The following FRMD4A variants were observed in gnomAD, a reference collection of about 807,000 sequenced individuals.
FRMD4A encodes the protein FERM domain containing 4A.
Under a neutral mutation model 129.1 loss-of-function variants are expected in FRMD4A, and 29 were observed. The ratio of observed to expected loss-of-function variants is 0.22; its 90% CI spans 0.17 to 0.31. FRMD4A has a LOEUF of 0.31. Among genes scored for constraint, FRMD4A ranks in the 10% least tolerant of loss-of-function variants. The probability of loss-of-function intolerance (pLI) is 1.00; values close to 1 mark genes in which losing one functional copy is unlikely to be tolerated. For synonymous variants in FRMD4A, 634 were observed against 571.6 expected (o/e 1.11, Z -1.56); for missense variants, 1,272 against 1,375.8 (o/e 0.92, Z 1.19).
At chr10:14,317,013 C>G (rs1200159267) in intron 2 of FRMD4A, among the ~76,000 whole-genome samples, 1 of 152,174 alleles carries the variant, frequency 6.6e-6, no homozygotes, top group Non-Finnish European at 1.5e-5. Flanking sequence ...AGTTCAAGTC[C>G]ACTTTGTCGC....
At chr10:14,157,174 C>T (rs1213304587) in intron 2 of FRMD4A, among the ~76,000 whole-genome samples, 1 of 152,182 alleles carries the variant, frequency 6.6e-6, no homozygotes, top group Non-Finnish European at 1.5e-5. Context: ...ATACATCAGA[C>T]CAATTTACTA....
At chr10:14,206,809 C>CCAAAAAAAAAAAAAAAA (rs1842794382) in intron 2 of FRMD4A, among the ~76,000 whole-genome samples, 1 of 43,066 alleles carries the variant, frequency 2.3e-5, no homozygotes, top group Non-Finnish European at 3.8e-5. Flanking sequence ...GACGCTATCT[C>CCAAAAAAAAAAAAAAAA]AAAAAAAAAA....
At chr10:13,750,089 A>AAAGAAAGAAAGAAATG (rs2091515173) in intron 8 of FRMD4A, among the ~76,000 whole-genome samples, 10 of 81,820 alleles carry the variant, frequency 1.2e-4, no homozygotes, top group East Asian at 3.4e-4. Context: ...AGAAAGAAAG[A>AAAGAAAGAAAGAAATG]AAGAAAGAAA....
intron 15 of FRMD4A, chr10:13,685,768 A>G (rs1298381568): frequency 6.3e-5 from 16 of 253,804 alleles, no homozygotes; most frequent in Non-Finnish European, 9.3e-5. Flanking sequence ...GCATTGCACC[A>G]CTGCACTCAG....
chr10:14,289,639 T>A (rs939266387), intron 2 of FRMD4A, among the ~76,000 whole-genome samples: 2 of 152,114 alleles, frequency 1.3e-5, no homozygotes, highest in Non-Finnish European at 2.9e-5. Flanking sequence ...AAAGTCCATA[T>A]ATGAAAAGCC....
rs1220691960 is a variant in FRMD4A at position 13,778,920 on chromosome 10, G to A, written c.384+4002C>T. 2.0e-5 allele frequency among the ~76,000 whole-genome samples: 3 copies of A among 152,192 alleles called. No individual in the cohort carries two copies. The East Asian group carries it at 5.8e-4, about 29-fold the overall frequency. On this transcript the variant is annotated intron_variant, in intron 6 of 24. Coordinates refer to ENST00000357447, the MANE Select transcript of FRMD4A (RefSeq NM_018027.5). ...ACATGTATACCTATGTAACAAACCTGCACATTCTGCATGTGTATCCCAGAA... is the reference window on the plus strand; with the variant it reads ...ACATGTATACCTATGTAACAAACCTACACATTCTGCATGTGTATCCCAGAA...
At chr10:13,790,322 C>T (rs1564807730) in intron 5 of FRMD4A, among the ~76,000 whole-genome samples, 1 of 152,176 alleles carries the variant, frequency 6.6e-6, no homozygotes, top group African/African-American at 2.4e-5. Flanking sequence ...TGAGGAAATG[C>T]CAGTCAGTGG....
At chr10:14,091,479 G>A (rs1175302610) in intron 2 of FRMD4A, among the ~76,000 whole-genome samples, 2 of 152,126 alleles carry the variant, frequency 1.3e-5, no homozygotes, top group Non-Finnish European at 2.9e-5. Flanking sequence ...CTGTCACCAG[G>A]CTGGACTGCA....
At chr10:14,304,157 A>T (rs1329734159) in intron 2 of FRMD4A, among the ~76,000 whole-genome samples, 1 of 152,138 alleles carries the variant, frequency 6.6e-6, no homozygotes, top group Non-Finnish European at 1.5e-5. Context: ...CCAGAAGTGG[A>T]ATTGCTGGAT....
At chr10:13,715,593 G>C (rs1325221137) in intron 12 of FRMD4A, among the ~76,000 whole-genome samples, 1 of 152,088 alleles carries the variant, frequency 6.6e-6, no homozygotes, top group African/African-American at 2.4e-5. Context: ...AATGGTGCCT[G>C]GTACATAGTG....
chr10:14,097,923 T>A (rs1398765069), intron 2 of FRMD4A, among the ~76,000 whole-genome samples: 2 of 146,308 alleles, frequency 1.4e-5, no homozygotes, highest in Non-Finnish European at 1.5e-5. Context: ...AAATTATATA[T>A]AAAAATTGTA....
At chr10:13,977,176 G>T (rs2131396276) in intron 2 of FRMD4A, among the ~76,000 whole-genome samples, 1 of 152,298 alleles carries the variant, frequency 6.6e-6, no homozygotes, top group South Asian at 2.1e-4. Flanking sequence ...CGTATTTTCT[G>T]GTTTTGTAGA....
chr10:14,072,805 A>G (rs1490122627), intron 2 of FRMD4A, among the ~76,000 whole-genome samples: 1 of 152,164 alleles, frequency 6.6e-6, no homozygotes, highest in Non-Finnish European at 1.5e-5. Context: ...AAGGAAAATG[A>G]GGTGAGATGG....
chr10:14,032,636 G>C (rs536231693), intron 2 of FRMD4A, among the ~76,000 whole-genome samples: 1 of 152,178 alleles, frequency 6.6e-6, no homozygotes, highest in Non-Finnish European at 1.5e-5. Flanking sequence ...GCCAGCAAGG[G>C]GGAGCTGCTG....
intron 2 of FRMD4A, among the ~76,000 whole-genome samples, chr10:14,301,433 G>C (rs1406954671): frequency 3.3e-5 from 5 of 152,214 alleles, no homozygotes; most frequent in African/African-American, 1.2e-4. Flanking sequence ...GGTGCTGATA[G>C]AGGAAACGTC....
chr10:14,289,655 C>T (rs7922689), intron 2 of FRMD4A, among the ~76,000 whole-genome samples: 49,460 of 151,962 alleles, frequency 0.33, 8,315 homozygotes, highest in Middle Eastern at 0.38. Context: ...AAGCCCCCAG[C>T]TAACACCATC....
At chr10:13,883,008 T>C (rs1372870953) in intron 2 of FRMD4A, among the ~76,000 whole-genome samples, 1 of 152,038 alleles carries the variant, frequency 6.6e-6, no homozygotes, top group Admixed American at 6.5e-5. Flanking sequence ...TTTGCCTTGT[T>C]GGCCAGGCTG....
At chr10:13,724,795 T>C (rs2089763169) in intron 12 of FRMD4A, among the ~76,000 whole-genome samples, 1 of 152,244 alleles carries the variant, frequency 6.6e-6, no homozygotes, top group Non-Finnish European at 1.5e-5. Context: ...CCTTTCTCAG[T>C]GCTGGTCCAC....
At chr10:13,986,607 C>A (rs555101570) in intron 2 of FRMD4A, among the ~76,000 whole-genome samples, 120 of 147,660 alleles carry the variant, frequency 8.1e-4, no homozygotes, top group African/African-American at 2.8e-3. Context: ...TGTAACTAAC[C>A]TGCACATTGT....
Sources: allele counts gnomAD v4.1 joint callset (sites outside exome capture counted in the v4.1 genomes callset), GRCh38; gene constraint gnomAD v4.1.1; transcripts MANE v1.5; gene names NCBI Gene and HGNC (gene_info 2026-07-23, HGNC 2026-07-21).